PARPBP: variants seen among roughly 807,000 people sequenced by gnomAD.
PARPBP encodes the protein PCNA-interacting partner.
Under a neutral mutation model 50.0 loss-of-function variants are expected in PARPBP, and 52 were observed. The observed-to-expected ratio is 1.04, with a 90% CI of 0.83 to 1.31. PARPBP has a LOEUF of 1.31. PARPBP is among the 50% of genes most tolerant of loss of function. The pLI is 0.00. For missense variants in PARPBP, 697 were observed against 672.0 expected, an observed-to-expected ratio of 1.04 and a Z score of -0.41; for synonymous variants, 244 against 232.1, an observed-to-expected ratio of 1.05 and a Z score of -0.47.
chr12:102,168,382 A>G (rs941282341), intron 6 of PARPBP, among the ~76,000 whole-genome samples: 1 of 152,130 alleles, frequency 6.6e-6, no homozygotes, highest in Non-Finnish European at 1.5e-5. Context: ...TGTGGTTATA[A>G]TAAGGAAGTA....
At chr12:102,145,596 T>C (rs1885235024) in intron 2 of PARPBP, among the ~76,000 whole-genome samples, 1 of 152,208 alleles carries the variant, frequency 6.6e-6, no homozygotes, top group Non-Finnish European at 1.5e-5. Context: ...GAAAGCATTA[T>C]AGTTAGATAA....
intron 6 of PARPBP, among the ~76,000 whole-genome samples, chr12:102,170,905 CTTT>C (rs56390964): frequency 1.7e-4 from 19 of 113,308 alleles, no homozygotes; most frequent in Non-Finnish European, 2.2e-4. Flanking sequence ...TTTAATTTTT[CTTT>C]TTTTTTTTTT....
At chr12:102,128,929 A>C (rs746583089) in intron 2 of PARPBP, among the ~76,000 whole-genome samples, 5 of 152,212 alleles carry the variant, frequency 3.3e-5, no homozygotes, top group Non-Finnish European at 7.3e-5. Flanking sequence ...TTCCACCAAC[A>C]GTATACAAAG....
rs1039063832 is a variant in PARPBP, at chr12:102,147,544, A to G, written c.154-686A>G. Among the ~76,000 whole-genome samples, 7 of 123,486 alleles carry G rather than the reference A, an allele frequency of 5.7e-5. No homozygotes were observed. In the Admixed American group the frequency reaches 6.3e-4, roughly 11 times the overall value. 81.0% of individuals were successfully genotyped at this position (123,486 alleles called of 152,430 possible). On this transcript the variant is annotated intron_variant, in intron 2 of 10. Transcript: ENST00000327680. ...AACACATGGACACAGGAAGGGGAAC[A>G]TCACACTCTGGGGACTCTTGTGGGG...
intron 6 of PARPBP, among the ~76,000 whole-genome samples, chr12:102,174,155 CTT>C (rs1236476613): frequency 6.6e-6 from 1 of 151,558 alleles, no homozygotes; most frequent in Non-Finnish European, 1.5e-5. Flanking sequence ...TTTTTCATGA[CTT>C]TTTTCTCACC....
intron 7 of PARPBP, among the ~76,000 whole-genome samples, chr12:102,178,327 T>C (rs1174325761): frequency 6.6e-6 from 1 of 152,222 alleles, no homozygotes; most frequent in Admixed American, 6.5e-5. Context: ...GCTAAAGTTT[T>C]CTGACTCAAA....
intron 9 of PARPBP, among the ~76,000 whole-genome samples, chr12:102,194,892 A>AT (rs1343472997): frequency 4.7e-5 from 7 of 150,212 alleles, no homozygotes; most frequent in East Asian, 1.9e-4. Context: ...TCCATATGCT[A>AT]TTTTTTTTCC....
At chr12:102,147,556 G>A (rs550697727) in intron 2 of PARPBP, among the ~76,000 whole-genome samples, 10 of 129,428 alleles carry the variant, frequency 7.7e-5, no homozygotes, top group Non-Finnish European at 4.8e-5. Context: ...CACACTCTGG[G>A]GACTCTTGTG....
At position 102,148,409 on chromosome 12, in the gene PARPBP, T is replaced by C. The variant is rs745389902; in HGVS notation, c.333T>C (p.Tyr111=). 3 of 1,569,320 alleles carry C rather than the reference T, an allele frequency of 1.9e-6. No homozygotes were observed. Among genetic ancestry groups the C allele is most frequent in the Non-Finnish European group, 2.6e-6 (3 of 1,141,074 alleles). ...ATATGTTAGATCTGATTGATGTTTA[T>C]CAAAAATGTAGGGCTTTGACTTCTA... ...NSNMLDLIDV[Y]QKCRALTSNC... is the part of the protein sequence containing the mutation. Residue 111 remains tyrosine, a synonymous_variant, in exon 3 of 11, where the codon TAT becomes TAC. Coordinates refer to ENST00000327680, the MANE Select transcript of PARPBP (RefSeq NM_017915.5).
chr12:102,164,061 A>G (rs1269908676), intron 4 of PARPBP, among the ~76,000 whole-genome samples: 3 of 151,726 alleles, frequency 2.0e-5, no homozygotes, highest in Admixed American at 1.3e-4. Flanking sequence ...GGATTCCTCT[A>G]TGTTCTTCTG....
At chr12:102,168,618 A>T (rs1328568633) in intron 6 of PARPBP, among the ~76,000 whole-genome samples, 1 of 152,192 alleles carries the variant, frequency 6.6e-6, no homozygotes, top group Non-Finnish European at 1.5e-5. Flanking sequence ...TAGAAGGTGT[A>T]CAGAGGAAAG....
chr12:102,144,069 CTG>C (rs1885031326), intron 2 of PARPBP, among the ~76,000 whole-genome samples: 1 of 152,244 alleles, frequency 6.6e-6, no homozygotes, highest in East Asian at 1.9e-4. Flanking sequence ...GTTATTTAAT[CTG>C]TGTAATCTCA....
chr12:102,180,632 A>C (rs749646309), intron 8 of PARPBP, among the ~76,000 whole-genome samples: 5 of 152,138 alleles, frequency 3.3e-5, no homozygotes, highest in Non-Finnish European at 5.9e-5. Flanking sequence ...AGTCCCAGCT[A>C]CTTGGGAGCC....
In PARPBP at chr12:102,182,463, G is replaced by A. The variant is rs188011151; in HGVS notation, c.1185-86G>A. ...AGTTGAGGAAAAACTAGATTGTATT[G>A]GGAATTAAGTTTCAACGTGAATTTG... On this transcript the variant is annotated intron_variant, in intron 8 of 10. Transcript: ENST00000327680. 3,118 of 874,406 alleles carry A rather than the reference G, an allele frequency of 3.6e-3. 5 individuals carry two copies. Among genetic ancestry groups the A allele is most frequent in the Non-Finnish European group, 4.8e-3 (2,622 of 543,964 alleles). 54.2% of individuals were successfully genotyped at this position (874,406 alleles called of 1,614,324 possible).
At chr12:102,150,006 G>A (rs775513444) in intron 3 of PARPBP, among the ~76,000 whole-genome samples, 26 of 152,126 alleles carry the variant, frequency 1.7e-4, no homozygotes, top group Non-Finnish European at 3.7e-4. Flanking sequence ...GTCTTTGGGC[G>A]CATTGTTTTC....
chr12:102,185,232 A>G (rs978379313), intron 9 of PARPBP, among the ~76,000 whole-genome samples: 2 of 152,190 alleles, frequency 1.3e-5, no homozygotes, highest in African/African-American at 4.8e-5. Context: ...AGAGGTTTTT[A>G]TCATGAAAGG....
intron 3 of PARPBP, chr12:102,151,698 C>T (rs1052136528): frequency 7.2e-6 from 11 of 1,535,558 alleles, no homozygotes; most frequent in Non-Finnish European, 8.7e-6. Context: ...GAGAGTCCCT[C>T]TTAGCATGGA....
At chr12:102,157,444 C>T (rs573230244) in intron 4 of PARPBP, among the ~76,000 whole-genome samples, 1 of 151,048 alleles carries the variant, frequency 6.6e-6, no homozygotes, top group South Asian at 2.1e-4. Context: ...AGAAGAATTC[C>T]CCTAATCTTT....
chr12:102,195,700 T>C (rs934991736), intron 10 of PARPBP, among the ~76,000 whole-genome samples: 4 of 151,770 alleles, frequency 2.6e-5, no homozygotes, highest in Non-Finnish European at 4.4e-5. Flanking sequence ...ATGTCATGCA[T>C]TCAAACAAAT....
Sources: allele counts gnomAD v4.1 joint callset (sites outside exome capture counted in the v4.1 genomes callset), GRCh38; gene constraint gnomAD v4.1.1; transcripts MANE v1.5; gene names NCBI Gene and HGNC (gene_info 2026-07-23, HGNC 2026-07-21).